Variants in VDAC1 observed in about 807,000 individuals in gnomAD.
VDAC1 encodes the protein voltage dependent anion channel 1, also known as non-selective voltage-gated ion channel VDAC1.
A neutral mutation model predicts 34.7 loss-of-function variants in VDAC1; 10 were observed. That is an observed-to-expected ratio of 0.29 (90% confidence interval 0.18 to 0.49). VDAC1 has a LOEUF of 0.49. Ranked by LOEUF, VDAC1 falls within the 20% of genes least tolerant of loss-of-function variation. VDAC1 has a pLI of 0.99. For synonymous variants in VDAC1, 130 were observed against 136.0 expected (o/e 0.96, Z 0.30); for missense variants, 230 against 347.9 (o/e 0.66, Z 2.69).
intron 1 of VDAC1, chr5:134,004,455 G>A (rs1753682225): frequency 6.6e-6 from 1 of 152,346 alleles, no homozygotes; most frequent in East Asian, 1.9e-4. Flanking sequence ...TTCGGCACCC[G>A]CCTGTGCGGC....
At chr5:133,975,697 G>T (rs1235540853) in intron 7 of VDAC1, among the ~76,000 whole-genome samples, 174 bp downstream of exon 7, 1 of 151,992 alleles carries the variant, frequency 6.6e-6, no homozygotes, top group Non-Finnish European at 1.5e-5. Context: ...GACCTCAAGT[G>T]ATCTGCCTGC....
At chr5:134,108,902 C>T in the VDAC1 span, among the ~76,000 whole-genome samples, 2 of 152,266 alleles carry the variant, frequency 1.3e-5, no homozygotes, top group African/African-American at 2.4e-5. Flanking sequence ...CTCTTTAATC[C>T]CTCTTCTCTC....
the VDAC1 span, among the ~76,000 whole-genome samples, chr5:134,106,414 C>CTTTT: frequency 4.5e-3 from 655 of 146,446 alleles, 26 homozygotes; most frequent in Middle Eastern, 6.9e-3. Context: ...TTGTCATCCT[C>CTTTT]TTTTTTTTTT....
chr5:134,027,579 A>G, the VDAC1 span, among the ~76,000 whole-genome samples: 1 of 152,192 alleles, frequency 6.6e-6, no homozygotes, highest in Non-Finnish European at 1.5e-5. Context: ...GAAGATTGGA[A>G]AAGCCTCTGA....
the VDAC1 span, among the ~76,000 whole-genome samples, chr5:134,046,251 C>T: frequency 2.6e-5 from 4 of 151,940 alleles, no homozygotes; most frequent in African/African-American, 9.7e-5. Context: ...GATTGTCTCG[C>T]TCTCCTGACC....
chr5:134,044,855 T>C, the VDAC1 span, among the ~76,000 whole-genome samples: 3 of 152,320 alleles, frequency 2.0e-5, no homozygotes, highest in African/African-American at 7.2e-5. Flanking sequence ...AGAGACTGGC[T>C]GCCTAGAGCT....
chr5:134,094,463 C>A, the VDAC1 span, among the ~76,000 whole-genome samples: 1 of 152,048 alleles, frequency 6.6e-6, no homozygotes, highest in African/African-American at 2.4e-5. Flanking sequence ...CTTGGGAGGC[C>A]GAGGCGGGCA....
At chr5:134,062,974 A>G in the VDAC1 span, among the ~76,000 whole-genome samples, 1 of 152,194 alleles carries the variant, frequency 6.6e-6, no homozygotes. Context: ...CTGTTCCTTG[A>G]ATAATTTGGC....
chr5:134,006,602 G>A (rs1753755890), upstream of VDAC1, among the ~76,000 whole-genome samples: 1 of 151,928 alleles, frequency 6.6e-6, no homozygotes, highest in Admixed American at 6.6e-5. Flanking sequence ...AACTAGACGG[G>A]CGTGGTGGCG....
At chr5:133,980,689 A>AGCCCCCCCCCCCCCC in intron 6 of VDAC1, 40 bp downstream of exon 6, 2 of 564,058 alleles carry the variant, frequency 3.5e-6, no homozygotes, top group Non-Finnish European at 6.7e-6. Context: ...ACATGCTCCA[A>AGCCCCCCCCCCCCCC]CCCCACCCCT....
chr5:134,043,426 C>T, the VDAC1 span, among the ~76,000 whole-genome samples: 1 of 152,172 alleles, frequency 6.6e-6, no homozygotes, highest in Admixed American at 6.5e-5. Flanking sequence ...CCAACCAGAG[C>T]GAAATTCTAG....
At chr5:134,047,356 C>T in the VDAC1 span, among the ~76,000 whole-genome samples, 3 of 152,108 alleles carry the variant, frequency 2.0e-5, no homozygotes, top group Non-Finnish European at 2.9e-5. Flanking sequence ...GAGAGGGGGC[C>T]ACTTCAGAGG....
the VDAC1 span, among the ~76,000 whole-genome samples, chr5:134,091,122 C>T: frequency 6.6e-6 from 1 of 152,216 alleles, no homozygotes; most frequent in Non-Finnish European, 1.5e-5. Context: ...AGAATAAAAT[C>T]AGTGCTCAAG....
the VDAC1 span, among the ~76,000 whole-genome samples, chr5:134,083,180 CTTTT>C: frequency 1.3e-4 from 19 of 141,174 alleles, no homozygotes; most frequent in African/African-American, 3.7e-4. Context: ...TTTTCTTTTT[CTTTT>C]TTTTTCTTTT....
At chr5:134,039,515 A>C in the VDAC1 span, among the ~76,000 whole-genome samples, 1 of 75,534 alleles carries the variant, frequency 1.3e-5, no homozygotes, top group Non-Finnish European at 3.5e-5. Context: ...TTTTTAGTAG[A>C]GACGGGGGTT....
intron 7 of VDAC1, 117 bp downstream of exon 7, chr5:133,975,754 C>T: frequency 1.3e-6 from 2 of 1,492,828 alleles, no homozygotes; most frequent in South Asian, 2.5e-5. Flanking sequence ...TCACGGCGCC[C>T]AGCAGCATCT....
the VDAC1 span, among the ~76,000 whole-genome samples, chr5:134,014,116 C>T: frequency 3.9e-5 from 6 of 152,070 alleles, no homozygotes; most frequent in African/African-American, 1.4e-4. Flanking sequence ...TGGTGAAACC[C>T]CGAGTCTACT....
At chr5:134,026,943 C>T in the VDAC1 span, among the ~76,000 whole-genome samples, 3 of 152,204 alleles carry the variant, frequency 2.0e-5, no homozygotes, top group South Asian at 4.1e-4. Flanking sequence ...CCCACTAGAG[C>T]GTTAGGCTGG....
intron 5 of VDAC1, among the ~76,000 whole-genome samples, chr5:133,983,633 C>T (rs550140734): frequency 1.8e-4 from 27 of 152,222 alleles, no homozygotes; most frequent in South Asian, 1.7e-3. Flanking sequence ...GCCAGCACCC[C>T]TCCCAAGTGA....
Sources: gnomAD v4.1 joint callset for allele counts (sites outside exome capture counted in the v4.1 genomes callset) on GRCh38, gnomAD v4.1.1 for gene constraint, MANE v1.5 for transcripts, NCBI Gene and HGNC (gene_info 2026-07-23, HGNC 2026-07-21) for gene names.